ATG5: variants seen among roughly 807,000 people sequenced by gnomAD.
ATG5 encodes autophagy protein 5.
A neutral mutation model predicts 36.5 loss-of-function variants in ATG5; 14 were observed. The ratio of observed to expected loss-of-function variants is 0.38; its 90% confidence interval spans 0.25 to 0.60. The LOEUF (loss-of-function observed/expected upper bound fraction) is 0.60. Among genes scored for constraint, ATG5 ranks in the 20% least tolerant of loss-of-function variants. The pLI, the probability that ATG5 is intolerant of heterozygous loss-of-function variation, is 0.60. For synonymous variants in ATG5, 95 were observed against 101.5 expected (o/e 0.94, Z 0.38); for missense variants, 195 against 326.7 (o/e 0.60, Z 3.11).
rs1444990912 is a variant in ATG5 at position 106,265,342 on chromosome 6, G to C, written c.478+14319C>G. On this transcript the variant is annotated intron_variant, in intron 5 of 7. Coordinates refer to ENST00000369076, the MANE Select transcript of ATG5 (RefSeq NM_004849.4). ...TGTGCACCCAATACAGGAGCATCCA[G>C]ATTCATAAAACAAGTTCTTCAAGAT... is the stretch of plus-strand genomic sequence containing the variant. 3.3e-5 allele frequency among the ~76,000 whole-genome samples: 5 copies of C among 152,182 alleles called. No individual in the cohort carries two copies. In the South Asian group the frequency reaches 6.2e-4, roughly 19 times the overall value.
chr6:106,235,961 T>C (rs1033644597), intron 6 of ATG5, among the ~76,000 whole-genome samples: 1 of 152,210 alleles, frequency 6.6e-6, no homozygotes, highest in Admixed American at 6.5e-5. Context: ...TAAAAGTTCC[T>C]TCTTGTCCCT....
At chr6:106,209,230 T>C (rs1418742114) in intron 6 of ATG5, among the ~76,000 whole-genome samples, 1 of 152,260 alleles carries the variant, frequency 6.6e-6, no homozygotes, top group South Asian at 2.1e-4. Flanking sequence ...TGAACGTTCA[T>C]AGCTGTTTTA....
At chr6:106,262,588 C>T (rs902032913) in intron 5 of ATG5, among the ~76,000 whole-genome samples, 7 of 152,060 alleles carry the variant, frequency 4.6e-5, no homozygotes, top group South Asian at 2.1e-4. Context: ...GGAAAAGTTC[C>T]GGTCTGCAGC....
chr6:106,274,912 A>G (rs1294994787), intron 5 of ATG5, among the ~76,000 whole-genome samples: 2 of 152,296 alleles, frequency 1.3e-5, no homozygotes, highest in East Asian at 3.9e-4. Context: ...AAAATACAAG[A>G]GAAAAAAATG....
intron 3 of ATG5, among the ~76,000 whole-genome samples, chr6:106,304,688 T>C (rs1770366629): frequency 6.6e-6 from 1 of 152,188 alleles, no homozygotes; most frequent in Non-Finnish European, 1.5e-5. Flanking sequence ...GAGGTAACTG[T>C]AAAGGAGTAC....
chr6:106,209,135 T>C (rs926852850), intron 6 of ATG5, among the ~76,000 whole-genome samples: 1 of 152,164 alleles, frequency 6.6e-6, no homozygotes, highest in Admixed American at 6.5e-5. Context: ...CTTACAAAAC[T>C]AAACATGCAC....
intron 2 of ATG5, 114 bp from the exon 3 acceptor site, chr6:106,308,605 A>T (rs1770536319): frequency 1.3e-6 from 1 of 794,888 alleles, no homozygotes; most frequent in Non-Finnish European, 1.8e-6. Context: ...ATTATTTTGA[A>T]TATCCCACAC....
intron 4 of ATG5, among the ~76,000 whole-genome samples, chr6:106,289,360 G>A (rs1398309047): frequency 6.6e-6 from 1 of 151,870 alleles, no homozygotes; most frequent in Non-Finnish European, 1.5e-5. Context: ...AAGTAACCTA[G>A]GTCCTGATGC....
At chr6:106,196,164 C>T (rs946682875) in intron 7 of ATG5, among the ~76,000 whole-genome samples, 1 of 152,034 alleles carries the variant, frequency 6.6e-6, no homozygotes, top group Non-Finnish European at 1.5e-5. Context: ...ACAGTAGACA[C>T]TCAGGTTCCT....
intron 7 of ATG5, among the ~76,000 whole-genome samples, chr6:106,198,187 A>G (rs998714773): frequency 6.6e-6 from 1 of 152,178 alleles, no homozygotes; most frequent in Non-Finnish European, 1.5e-5. Flanking sequence ...ACTAAGGCAA[A>G]ATTTCTGTAG....
intron 4 of ATG5, chr6:106,283,426 CATT>C (rs1209043472): frequency 2.6e-5 from 4 of 152,036 alleles, no homozygotes; most frequent in Non-Finnish European, 4.4e-5. Context: ...GACAGGGTCT[CATT>C]ATGCTGCCCA....
At chr6:106,246,647 T>C (rs1015966678) in intron 6 of ATG5, among the ~76,000 whole-genome samples, 2 of 152,216 alleles carry the variant, frequency 1.3e-5, no homozygotes, top group African/African-American at 2.4e-5. Context: ...AAAGAATCTC[T>C]TGTATAAATA....
At chr6:106,235,454 G>C (rs145095968) in intron 6 of ATG5, among the ~76,000 whole-genome samples, 17 of 151,830 alleles carry the variant, frequency 1.1e-4, no homozygotes, top group African/African-American at 3.6e-4. Flanking sequence ...CTCCCCAACA[G>C]CACTTGGGTT....
intron 6 of ATG5, 106 bp from the exon 7 acceptor site, chr6:106,202,195 C>T (rs1291050841): frequency 3.9e-5 from 30 of 766,412 alleles, no homozygotes; most frequent in South Asian, 1.1e-4. Flanking sequence ...CCTTTTGATA[C>T]GGTGTTAGCA....
At chr6:106,218,692 C>A (rs1297084441) in intron 6 of ATG5, among the ~76,000 whole-genome samples, 2 of 152,062 alleles carry the variant, frequency 1.3e-5, no homozygotes, top group Non-Finnish European at 2.9e-5. Context: ...AGTATGAATG[C>A]TGCAATACAT....
chr6:106,279,520 T>C (rs1259186220), intron 5 of ATG5, 141 bp downstream of exon 5: 1 of 653,550 alleles, frequency 1.5e-6, no homozygotes, highest in Non-Finnish European at 2.3e-6. Context: ...TGACTAAAAG[T>C]AGCTTCTGTG....
intron 5 of ATG5, among the ~76,000 whole-genome samples, chr6:106,273,624 T>A (rs1486639827): frequency 6.6e-6 from 1 of 151,326 alleles, no homozygotes; most frequent in Non-Finnish European, 1.5e-5. Flanking sequence ...GAAAGAAAAG[T>A]CCAGCTTAGA....
chr6:106,262,056 T>A (rs1779040431), intron 5 of ATG5, among the ~76,000 whole-genome samples: 1 of 152,198 alleles, frequency 6.6e-6, no homozygotes, highest in Admixed American at 6.5e-5. Flanking sequence ...AACAGGCTGC[T>A]GGGACTTACC....
At chr6:106,306,267 T>C (rs893523289) in intron 3 of ATG5, among the ~76,000 whole-genome samples, 1 of 152,184 alleles carries the variant, frequency 6.6e-6, no homozygotes, top group African/African-American at 2.4e-5. Context: ...TATTTACCCA[T>C]AAACCTATAA....
Sources: allele counts gnomAD v4.1 joint callset (sites outside exome capture counted in the v4.1 genomes callset), GRCh38; gene constraint gnomAD v4.1.1; transcripts MANE v1.5; gene names NCBI Gene and HGNC (gene_info 2026-07-23, HGNC 2026-07-21).